KIDINS220: variants seen among roughly 807,000 people sequenced by gnomAD.
KIDINS220 encodes kinase D-interacting substrate of 220 kDa.
In KIDINS220, 63 loss-of-function variants were observed where a neutral mutation model predicts 157.6. The ratio of observed to expected loss-of-function variants is 0.40; its 90% confidence interval spans 0.33 to 0.49. KIDINS220 has a LOEUF of 0.49. KIDINS220 is among the 20% of genes least tolerant of loss of function. KIDINS220 has a pLI of 0.66. For missense variants in KIDINS220, 1,772 were observed against 2,171.2 expected (o/e 0.82, Z 3.65); for synonymous variants, 732 against 783.6 (o/e 0.93, Z 1.10).
intron 22 of KIDINS220, among the ~76,000 whole-genome samples, chr2:8,760,015 A>T (rs1445818215): frequency 6.6e-6 from 1 of 152,198 alleles, no homozygotes; most frequent in Non-Finnish European, 1.5e-5. Context: ...ACTGCTTCAA[A>T]AGCTGCTGAC....
At chr2:8,773,653 G>A (rs925382999) in intron 21 of KIDINS220, among the ~76,000 whole-genome samples, 9 of 151,954 alleles carry the variant, frequency 5.9e-5, no homozygotes, top group Admixed American at 1.3e-4. Flanking sequence ...TGTATTGTTC[G>A]TAAAGACGGG....
chr2:8,824,349 G>A (rs911913600), intron 2 of KIDINS220, among the ~76,000 whole-genome samples: 1 of 152,052 alleles, frequency 6.6e-6, no homozygotes, highest in Non-Finnish European at 1.5e-5. Context: ...GGTACCACAG[G>A]TCAGAAAAAG....
At chr2:8,742,310 A>C (rs1199351590) in intron 26 of KIDINS220, among the ~76,000 whole-genome samples, 3 of 150,386 alleles carry the variant, frequency 2.0e-5, no homozygotes, top group East Asian at 1.9e-4. Flanking sequence ...TATGTTGCCT[A>C]GGCTGGTCTT....
chr2:8,741,811 T>G (rs994467286), intron 26 of KIDINS220, among the ~76,000 whole-genome samples: 5 of 152,184 alleles, frequency 3.3e-5, no homozygotes, highest in Non-Finnish European at 7.3e-5. Context: ...TGAAGACAAT[T>G]TTTCACTATA....
intron 22 of KIDINS220, among the ~76,000 whole-genome samples, chr2:8,754,424 A>G (rs536661633): frequency 1.3e-5 from 2 of 152,362 alleles, no homozygotes; most frequent in South Asian, 4.1e-4. Flanking sequence ...AAAGGTTAGC[A>G]TTTAAAGAAT....
At chr2:8,796,550 G>A (rs747961880) in intron 11 of KIDINS220, among the ~76,000 whole-genome samples, 3 of 152,100 alleles carry the variant, frequency 2.0e-5, no homozygotes, top group Non-Finnish European at 4.4e-5. Context: ...CAGCTGCTGT[G>A]AGCCGTAGAA....
At chr2:8,762,354 A>G (rs1668854610) in intron 22 of KIDINS220, among the ~76,000 whole-genome samples, 1 of 152,204 alleles carries the variant, frequency 6.6e-6, no homozygotes, top group Non-Finnish European at 1.5e-5. Context: ...AACACTTAAT[A>G]TTTTTTCTTC....
intron 10 of KIDINS220, among the ~76,000 whole-genome samples, chr2:8,797,233 C>T (rs973936260): frequency 2.6e-5 from 4 of 152,206 alleles, no homozygotes; most frequent in Admixed American, 1.3e-4. Flanking sequence ...TGTCAACGTC[C>T]AGGTAAGCCA....
At chr2:8,786,830 C>T (rs1370868647) in intron 15 of KIDINS220, among the ~76,000 whole-genome samples, 2 of 152,180 alleles carry the variant, frequency 1.3e-5, no homozygotes, top group African/African-American at 4.8e-5. Context: ...CATTTAAAAA[C>T]TCAAGTTTTA....
chr2:8,824,867 G>A (rs920310097), intron 2 of KIDINS220, among the ~76,000 whole-genome samples: 19 of 152,126 alleles, frequency 1.2e-4, no homozygotes, highest in Admixed American at 1.0e-3. Flanking sequence ...ATCCTGTTAC[G>A]TGCTATAACG....
chr2:8,750,833 A>G (rs924499090), intron 23 of KIDINS220, among the ~76,000 whole-genome samples: 1 of 152,228 alleles, frequency 6.6e-6, no homozygotes, highest in African/African-American at 2.4e-5. Context: ...AATAGAATAC[A>G]GAAGTAGTTT....
chr2:8,787,859 G>A (rs1015279506), intron 15 of KIDINS220, among the ~76,000 whole-genome samples: 3 of 151,158 alleles, frequency 2.0e-5, no homozygotes, highest in Non-Finnish European at 4.4e-5. Context: ...ATTTTAGACA[G>A]ACATGTGAAT....
chr2:8,770,628 A>C, intron 22 of KIDINS220, 42 bp downstream of exon 22: 2 of 1,227,678 alleles, frequency 1.6e-6, no homozygotes, highest in South Asian at 1.7e-5. Context: ...TTTTTAACTC[A>C]ACCTAAAATA....
rs149177470 is a variant in KIDINS220 at position 8,750,434 on chromosome 2, A to G, written c.3191-99T>C. 3 of 745,004 alleles carry G rather than the reference A, an allele frequency of 4.0e-6. No individual in the cohort carries two copies. In the African/African-American group the frequency reaches 5.4e-5, roughly 13 times the overall value. 46.1% of individuals were successfully genotyped at this position (745,004 alleles called of 1,614,324 possible). A position where few individuals can be genotyped will look rare whatever the true frequency, so the allele number is the denominator to read the frequency against. ...TCTTTAGTTACTAGGCAGAAACATG[A>G]CTTTATCACTCTTGCCACGGATTCC... On this transcript the variant is annotated intron_variant, in intron 23 of 29. Transcript: ENST00000256707.
At chr2:8,726,704 G>A (rs879034984), downstream of KIDINS220, among the ~76,000 whole-genome samples, 20 of 152,122 alleles carry the variant, frequency 1.3e-4, no homozygotes, top group African/African-American at 4.3e-4. Flanking sequence ...GTACAGCACG[G>A]TACTGAATAC....
chr2:8,779,906 T>C (rs1572625613), intron 17 of KIDINS220, 92 bp from the exon 18 acceptor site: 2 of 1,367,944 alleles, frequency 1.5e-6, no homozygotes, highest in East Asian at 2.3e-5. Flanking sequence ...AGTCATCTAA[T>C]AGGAACAGAA....
rs376783790 is a variant in KIDINS220, at chr2:8,829,464, A to G, written c.-36-2335T>C. Among the ~76,000 whole-genome samples, 196 of 152,340 alleles carry G rather than the reference A, an allele frequency of 1.3e-3. 2 individuals carry two copies. The South Asian group carries it at 0.021, about 17-fold the overall frequency. ...GAATTATTCTAAAAACATGAGAAAC[A>G]TGAACAAAATTTTAAGATTTTAAGT... On this transcript the variant is annotated intron_variant, in intron 1 of 29. Coordinates refer to ENST00000256707, the MANE Select transcript of KIDINS220 (RefSeq NM_020738.4).
At chr2:8,740,059 G>T in intron 26 of KIDINS220, 1 of 406,706 alleles carries the variant, frequency 2.5e-6, no homozygotes, top group Non-Finnish European at 3.3e-6. Flanking sequence ...ACCTTAGTGA[G>T]CACAGATTTA....
At chr2:8,791,306 T>G (rs981200567) in intron 12 of KIDINS220, 82 bp from the exon 13 acceptor site, 2 of 1,264,126 alleles carry the variant, frequency 1.6e-6, no homozygotes, top group Non-Finnish European at 1.1e-6. Context: ...GTTTCCTTGA[T>G]TAGAGAGAAA....
Sources: gnomAD v4.1 joint callset for allele counts (sites outside exome capture counted in the v4.1 genomes callset) on GRCh38, gnomAD v4.1.1 for gene constraint, MANE v1.5 for transcripts, NCBI Gene and HGNC (gene_info 2026-07-23, HGNC 2026-07-21) for gene names.